RYR2: variants seen among roughly 807,000 people sequenced by gnomAD.
RYR2 encodes cardiac muscle ryanodine receptor-calcium release channel.
A neutral mutation model predicts 601.1 loss-of-function variants in RYR2; 227 were observed. That is an observed-to-expected ratio of 0.38 (90% CI 0.34 to 0.42). The LOEUF (loss-of-function observed/expected upper bound fraction) is 0.42. Ranked by LOEUF, RYR2 falls within the 10% of genes least tolerant of loss-of-function variation. The pLI, the probability that RYR2 is intolerant of heterozygous loss-of-function variation, is 1.00. For synonymous variants in RYR2, 2,223 were observed against 2,175.1 expected, an observed-to-expected ratio of 1.02 and a Z score of -0.61; for missense variants, 4,646 against 6,156.5, an observed-to-expected ratio of 0.75 and a Z score of 8.21.
At position 237,051,873 on chromosome 1, in the gene RYR2, A is replaced by G. The variant is rs142718217; in HGVS notation, c.48+9304A>G. 6.6e-5 allele frequency among the ~76,000 whole-genome samples: 10 copies of G among 152,170 alleles called. No individual in the cohort carries two copies. In the East Asian group the frequency reaches 1.7e-3, roughly 27 times the overall value. On this transcript the variant is annotated intron_variant, in intron 1 of 104. Coordinates refer to ENST00000366574, the MANE Select transcript of RYR2 (RefSeq NM_001035.3). ...CATACAGGGGCCCTTTCTGCTGGAG[A>G]TGGACATATTTTAAAATGAGAGGGA...
intron 27 of RYR2, among the ~76,000 whole-genome samples, chr1:237,564,652 C>T (rs529620927): frequency 9.2e-5 from 14 of 152,196 alleles, no homozygotes; most frequent in Non-Finnish European, 1.9e-4. Flanking sequence ...ACAACGTTTA[C>T]GATCCTATTT....
rs141934934 is a variant in RYR2 at position 237,305,061 on chromosome 1, C to T, written c.169-25817C>T. Among the ~76,000 whole-genome samples, 828 of 152,210 alleles carry T rather than the reference C, an allele frequency of 5.4e-3. 8 individuals carry two copies. Among genetic ancestry groups the T allele is most frequent in the Non-Finnish European group, 6.1e-3 (414 of 68,012 alleles). On this transcript the variant is annotated intron_variant, in intron 2 of 104. Coordinates refer to ENST00000366574, the MANE Select transcript of RYR2 (RefSeq NM_001035.3). ...AGGAGGAACTTTCACTCACTCCTGACGGTATAAGCACTTTGGCAAACTGTA... is the reference window on the plus strand; with the variant it reads ...AGGAGGAACTTTCACTCACTCCTGATGGTATAAGCACTTTGGCAAACTGTA...
At chr1:237,448,681 T>C (rs932877049) in intron 14 of RYR2, among the ~76,000 whole-genome samples, 2 of 152,060 alleles carry the variant, frequency 1.3e-5, no homozygotes, top group Admixed American at 1.3e-4. Flanking sequence ...TGCATACCTG[T>C]TTAGGATTTT....
chr1:237,388,748 TAA>T (rs967946343), intron 10 of RYR2, among the ~76,000 whole-genome samples: 3 of 152,280 alleles, frequency 2.0e-5, no homozygotes, highest in Admixed American at 2.0e-4. Flanking sequence ...TACAAAACCA[TAA>T]AAATATTTAG....
chr1:237,116,148 C>G (rs896408712), intron 1 of RYR2, among the ~76,000 whole-genome samples: 21 of 152,002 alleles, frequency 1.4e-4, no homozygotes, highest in African/African-American at 4.8e-4. Context: ...CTTGTGAATC[C>G]CTGCAGGGAG....
At chr1:237,572,373 A>G (rs972309449) in intron 29 of RYR2, among the ~76,000 whole-genome samples, 12 of 152,212 alleles carry the variant, frequency 7.9e-5, no homozygotes, top group Non-Finnish European at 1.5e-4. Flanking sequence ...CGTGGTTCAC[A>G]TGATACACAC....
intron 12 of RYR2, among the ~76,000 whole-genome samples, chr1:237,426,602 G>A (rs570186701): frequency 1.3e-5 from 2 of 152,184 alleles, no homozygotes; most frequent in African/African-American, 4.8e-5. Context: ...TATTAAAATG[G>A]CATTCAGCTT....
intron 62 of RYR2, 47 bp downstream of exon 62, chr1:237,680,624 T>C (rs768127543): frequency 3.3e-6 from 5 of 1,497,456 alleles, no homozygotes; most frequent in East Asian, 2.4e-5. Flanking sequence ...TAGGTGTATA[T>C]GCAGTTGCAA....
intron 91 of RYR2, among the ~76,000 whole-genome samples, chr1:237,786,362 T>C (rs1012234330): frequency 1.3e-5 from 2 of 152,232 alleles, no homozygotes; most frequent in Non-Finnish European, 2.9e-5. Context: ...CACAATTCTG[T>C]CTTTAAAAAT....
rs371412147 is a variant in RYR2 at position 237,044,959 on chromosome 1, T to C, written c.48+2390T>C. Among the ~76,000 whole-genome samples the C allele has an allele frequency of 4.6e-3, 349 of 75,772 alleles. 2 individuals carry two copies. Among genetic ancestry groups the C allele is most frequent in the African/African-American group, 0.017 (296 of 17,498 alleles). The allele number at this position is 75,772 out of a possible 152,430, so 49.7% of individuals were successfully genotyped here. On this transcript the variant is annotated intron_variant, in intron 1 of 104. Coordinates refer to ENST00000366574, the MANE Select transcript of RYR2 (RefSeq NM_001035.3). ...TGAGTTATTTCTTCTTCTTCTTCTT[T>C]TTTTTTTTTTTTAAAGCAAATAGCC...
intron 62 of RYR2, among the ~76,000 whole-genome samples, chr1:237,687,183 A>G (rs903446121): frequency 6.6e-6 from 1 of 151,064 alleles, no homozygotes; most frequent in African/African-American, 2.4e-5. Context: ...TTTGCTTTCA[A>G]TTTTTTTTGG....
intron 25 of RYR2, among the ~76,000 whole-genome samples, chr1:237,535,370 ACTTT>A (rs1245989195): frequency 3.3e-5 from 5 of 152,216 alleles, no homozygotes; most frequent in African/African-American, 1.2e-4. Context: ...GTACATTAAA[ACTTT>A]CTAAAGGTAA....
rs144949609 is a variant in RYR2 at position 237,421,564 on chromosome 1, C to A, written c.849-1528C>A. 5.6e-3 allele frequency among the ~76,000 whole-genome samples: 849 copies of A among 152,170 alleles called. 14 individuals carry two copies. The highest frequency in any genetic ancestry group is 0.02 in the African/African-American group (819 of 41,520). ...TATGCTAACATCTCAAGTCAAAAAT[C>A]CAGGTTAGGAAAACAACATTAAATT... On this transcript the variant is annotated intron_variant, in intron 11 of 104. Transcript: ENST00000366574.
chr1:237,651,890 A>T (rs2148807125), intron 51 of RYR2, among the ~76,000 whole-genome samples: 1 of 152,282 alleles, frequency 6.6e-6, no homozygotes, highest in South Asian at 2.1e-4. Flanking sequence ...ACAAAAAATT[A>T]GCCGGACGTG....
intron 24 of RYR2, among the ~76,000 whole-genome samples, chr1:237,521,750 A>G (rs78567006): frequency 4.0e-5 from 6 of 151,492 alleles, no homozygotes; most frequent in African/African-American, 1.5e-4. Context: ...ATACATAAAA[A>G]AAAATAAAAT....
intron 98 of RYR2, 95 bp downstream of exon 98, chr1:237,802,011 T>C: frequency 1.4e-6 from 1 of 717,740 alleles, no homozygotes; most frequent in South Asian, 1.6e-5. Context: ...TAGAAAATGT[T>C]TCGAATACCA....
rs944263746 is a variant in RYR2 at position 237,663,606 on chromosome 1, A to G, written c.8436+2659A>G. On this transcript the variant is annotated intron_variant, in intron 56 of 104. Coordinates refer to ENST00000366574, the MANE Select transcript of RYR2 (RefSeq NM_001035.3). Reference sequence around the variant, plus strand: ...AACCTCTGTATGCTGCAGTTTTCTCATTTTTAAAATGAAGCTGGTATGAGC... The same window carrying G: ...AACCTCTGTATGCTGCAGTTTTCTCGTTTTTAAAATGAAGCTGGTATGAGC... Among the ~76,000 whole-genome samples the G allele has an allele frequency of 2.0e-5, 3 of 152,180 alleles. No individual in the cohort carries two copies. In the East Asian group the frequency reaches 5.8e-4, roughly 29 times the overall value.
chr1:237,238,747 C>T (rs1685850185), intron 1 of RYR2, among the ~76,000 whole-genome samples: 1 of 152,172 alleles, frequency 6.6e-6, no homozygotes, highest in South Asian at 2.1e-4. Context: ...CTGTGGGTCA[C>T]CTTAGATCTG....
At chr1:237,816,005 C>T (rs1292380875) in intron 100 of RYR2, among the ~76,000 whole-genome samples, 2 of 152,012 alleles carry the variant, frequency 1.3e-5, no homozygotes, top group Non-Finnish European at 2.9e-5. Context: ...ATGATCAGTT[C>T]ATCCATCAGT....
Sources: allele counts gnomAD v4.1 joint callset (sites outside exome capture counted in the v4.1 genomes callset), GRCh38; gene constraint gnomAD v4.1.1; transcripts MANE v1.5; gene names NCBI Gene and HGNC (gene_info 2026-07-23, HGNC 2026-07-21).